SLC4A11: variants seen among roughly 807,000 people sequenced by gnomAD.
SLC4A11 encodes bicarbonate transporter related protein 1.
In SLC4A11, 74 loss-of-function variants were observed where a neutral mutation model predicts 95.0. The ratio of observed to expected loss-of-function variants is 0.78; its 90% CI spans 0.65 to 0.95. The LOEUF is 0.95. SLC4A11 is among the 40% of genes least tolerant of loss of function. SLC4A11 has a pLI of 0.00. For synonymous variants in SLC4A11, 548 were observed against 519.0 expected (o/e 1.06, Z -0.76); for missense variants, 1,081 against 1,192.4 (o/e 0.91, Z 1.38).
At chr20:3,228,146 A>AC in intron 19 of SLC4A11, 113 bp downstream of exon 19, 4 of 428,888 alleles carry the variant, frequency 9.3e-6, no homozygotes, top group Admixed American at 2.8e-5. Context: ...ACCCACCCCA[A>AC]CCCGCCCATT....
chr20:3,233,475 G>A, intron 7 of SLC4A11, 39 bp downstream of exon 7: 1 of 1,611,694 alleles, frequency 6.2e-7, no homozygotes, highest in African/African-American at 1.3e-5. Flanking sequence ...GTAACCCGGG[G>A]CCCTCCTTCT....
At position 3,233,513 on chromosome 20, in the gene SLC4A11, C is replaced by T; in HGVS notation, c.729+1G>A. On this transcript the variant is annotated splice_donor_variant, in intron 7 of 19. Coordinates refer to ENST00000642402, the MANE Select transcript of SLC4A11 (RefSeq NM_001174089.2). LOFTEE classifies it high-confidence loss of function. Reference sequence around the variant, plus strand: ...CCCAGGACACGGCACTACCCACTCACCATCTTGGGTGGGGCCAGCACCAGG... The same window carrying T: ...CCCAGGACACGGCACTACCCACTCATCATCTTGGGTGGGGCCAGCACCAGG... 6.2e-7 allele frequency: 1 copy of T among 1,613,666 alleles called. No individual in the cohort carries two copies. The highest frequency in any genetic ancestry group is 8.5e-7 in the Non-Finnish European group (1 of 1,179,972).
At position 3,228,275 on chromosome 20, in the gene SLC4A11, C is replaced by T. The variant is rs766205580; in HGVS notation, c.2542G>A (p.Ala848Thr). 37 of 1,612,598 alleles carry T rather than the reference C, an allele frequency of 2.3e-5. No individual in the cohort carries two copies. The highest frequency in any genetic ancestry group is 7.7e-5 in the South Asian group (7 of 91,048). Residue 848 changes from alanine to threonine, a missense_variant, in exon 19 of 20, where the codon GCC (alanine) becomes ACC (threonine). Ala to Thr is a moderately conservative substitution (Grantham distance 58). This residue lies in a region of SLC4A11 where 767 missense variants were observed against 858.0 expected (regional missense o/e 0.89). Transcript: ENST00000642402. ...MKMIFPLIMI[A>T]MIPIRYILLP... ...CGCCTGTACCGGATGGGGATCATGG[C>T]GATCATGATGAGGGGAAAGATCATC...
chr20:3,229,491 T>C (rs1452985571), intron 14 of SLC4A11, 33 bp downstream of exon 14: 2 of 1,612,780 alleles, frequency 1.2e-6, no homozygotes, highest in East Asian at 2.2e-5. Context: ...CTTTGACCCA[T>C]GCGGCCCCTC....
At chr20:3,228,153 C>CCCCAA in intron 19 of SLC4A11, 106 bp downstream of exon 19, 1 of 1,017,542 alleles carries the variant, frequency 9.8e-7, no homozygotes, top group Non-Finnish European at 1.5e-6. Context: ...CCAACCCGCC[C>CCCCAA]ATTCTCCGCC....
intron 1 of SLC4A11, chr20:3,238,807 G>A: frequency 8.6e-7 from 1 of 1,159,268 alleles, no homozygotes; most frequent in Non-Finnish European, 1.1e-6. Context: ...CCACTTTCGA[G>A]CTCCCCGCCC....
intron 2 of SLC4A11, among the ~76,000 whole-genome samples, chr20:3,236,007 G>A (rs2067970027): frequency 6.6e-6 from 1 of 152,138 alleles, no homozygotes; most frequent in East Asian, 1.9e-4. Flanking sequence ...CTCACTTGTA[G>A]GTACTCCCAG....
chr20:3,239,425 T>G (rs1275190611), upstream of SLC4A11: 3 of 1,067,934 alleles, frequency 2.8e-6, no homozygotes, highest in Non-Finnish European at 3.4e-6. Flanking sequence ...TAGACCCGGC[T>G]CCTTCGAGCC....
At chr20:3,237,350 C>T (rs2068012679) in intron 2 of SLC4A11, among the ~76,000 whole-genome samples, 194 bp downstream of exon 2, 1 of 133,244 alleles carries the variant, frequency 7.5e-6, no homozygotes, top group Admixed American at 7.5e-5. Flanking sequence ...GAATGGGCAG[C>T]CTGCCCTCTC....
At chr20:3,228,158 T>A in intron 19 of SLC4A11, 101 bp downstream of exon 19, 2 of 402,892 alleles carry the variant, frequency 5.0e-6, no homozygotes, top group Non-Finnish European at 4.8e-6. Flanking sequence ...CCGCCCATTC[T>A]CCGCCCCTAG....
Position 3,231,712 on chromosome 20 carries a change from G to A in SLC4A11, c.730-164C>T, listed in dbSNP as rs1349729745. On this transcript the variant is annotated intron_variant, in intron 7 of 19. Coordinates refer to ENST00000642402, the MANE Select transcript of SLC4A11 (RefSeq NM_001174089.2). The surrounding 1 kb of genome is among the most constrained non-coding windows in gnomAD (Gnocchi z 5.2). ...ACTGTCACCCAGGCTGAGTGCAGTG[G>A]CACACTCACGGCTTATCGTAGCCTC... is the stretch of plus-strand genomic sequence containing the variant. Among the ~76,000 whole-genome samples, 4 of 152,140 alleles carry A rather than the reference G, an allele frequency of 2.6e-5. No individual in the cohort carries two copies. The highest frequency in any genetic ancestry group is 9.7e-5 in the African/African-American group (4 of 41,410).
intron 2 of SLC4A11, among the ~76,000 whole-genome samples, chr20:3,236,538 G>A (rs1405114971): frequency 1.3e-5 from 2 of 151,478 alleles, no homozygotes; most frequent in Admixed American, 1.3e-4. Context: ...GCAGTGAGCC[G>A]AGATCACACC....
chr20:3,237,427 A>T, intron 2 of SLC4A11, 117 bp downstream of exon 2: 1 of 1,046,954 alleles, frequency 9.6e-7, no homozygotes, highest in Non-Finnish European at 1.5e-6. Flanking sequence ...TTCCAGCACT[A>T]GAGTGGCCCA....
intron 16 of SLC4A11, 37 bp from the exon 17 acceptor site, chr20:3,229,048 G>A (rs1283416872): frequency 6.3e-7 from 1 of 1,584,030 alleles, no homozygotes; most frequent in Non-Finnish European, 8.6e-7. Context: ...GAGCCCCACA[G>A]CAGAGGCCCG....
intron 2 of SLC4A11, among the ~76,000 whole-genome samples, chr20:3,236,200 T>G (rs929220881): frequency 6.6e-6 from 1 of 152,170 alleles, no homozygotes; most frequent in Non-Finnish European, 1.5e-5. Context: ...GAGTTTAGCC[T>G]GGGCCCCTTC....
Position 3,229,328 on chromosome 20 carries a change from C to A in SLC4A11, c.1849+18G>T. The A allele has an allele frequency of 6.2e-7, 1 of 1,613,142 alleles. No homozygotes were observed. The highest frequency in any genetic ancestry group is 8.5e-7 in the Non-Finnish European group (1 of 1,179,998). On this transcript the variant is annotated intron_variant, in intron 15 of 19. Transcript: ENST00000642402. ...TGGGGAGCTACCCCACGTCACCCAC[C>A]GCCCGGCCCCAACTCACTCTCGATT...
At chr20:3,236,445 C>T (rs1600612837) in intron 2 of SLC4A11, among the ~76,000 whole-genome samples, 1 of 152,044 alleles carries the variant, frequency 6.6e-6, no homozygotes. Flanking sequence ...AGAAATTAGC[C>T]GGGTGTGGTG....
Position 3,229,210 on chromosome 20 carries a change from G to A in SLC4A11, c.1903C>T (p.Gln635Ter). The A allele has an allele frequency of 6.2e-7, 1 of 1,612,822 alleles. No individual in the cohort carries two copies. Among genetic ancestry groups the A allele is most frequent in the South Asian group, 1.1e-5 (1 of 91,082 alleles). ...CTGACGGCCCTCAGGGACAGCGACTGGATCTGCGCCATCGCAAAGGGGCTC... is the reference window on the plus strand; with the variant it reads ...CTGACGGCCCTCAGGGACAGCGACTAGATCTGCGCCATCGCAAAGGGGCTC... ...SESPFAMAQIQSLSLRAVSGA... is the reference protein window; with the variant it reads ...SESPFAMAQI Residue 635 changes from glutamine to a stop codon, truncating the protein, a stop_gained, in exon 16 of 20, where the codon CAG becomes TAG. Transcript: ENST00000642402. LOFTEE classifies it high-confidence loss of function.
In SLC4A11 at chr20:3,231,643, T is replaced by C; in HGVS notation, c.730-95A>G. 2 of 1,188,210 alleles carry C rather than the reference T, an allele frequency of 1.7e-6. No homozygotes were observed. The highest frequency in any genetic ancestry group is 2.4e-5 in the East Asian group (1 of 41,366). 73.6% of individuals were successfully genotyped at this position (1,188,210 alleles called of 1,614,324 possible). ...GCTCTCCCCATGAACTGGCAGCAGG[T>C]TTTTTGTCTGTTTGTTTTTTGTGTT... is the stretch of plus-strand genomic sequence containing the variant. On this transcript the variant is annotated intron_variant, in intron 7 of 19. Transcript: ENST00000642402. The surrounding 1 kb of genome is among the most constrained non-coding windows in gnomAD (Gnocchi z 5.2).
Sources: gnomAD v4.1 joint callset for allele counts (sites outside exome capture counted in the v4.1 genomes callset) on GRCh38, gnomAD v4.1.1 for gene constraint, gnomAD v4.1.1 regional missense constraint, Gnocchi (gnomAD v3.1) non-coding constraint, MANE v1.5 for transcripts, NCBI Gene and HGNC (gene_info 2026-07-23, HGNC 2026-07-21) for gene names.